CCDC171: variants seen among roughly 807,000 people sequenced by gnomAD.
The protein encoded by CCDC171 is coiled-coil domain containing 171.
CCDC171 carries 177 observed loss-of-function variants against 168.2 expected under a neutral mutation model. The ratio of observed to expected loss-of-function variants is 1.05; its 90% confidence interval spans 0.93 to 1.19. The LOEUF is 1.19. Ranked by LOEUF, CCDC171 falls within the 50% of genes most tolerant of loss-of-function variation. The pLI, the probability that CCDC171 is intolerant of heterozygous loss-of-function variation, is 0.00. For synonymous variants in CCDC171, 687 were observed against 540.8 expected (o/e 1.27, Z -3.75); for missense variants, 1,991 against 1,539.0 (o/e 1.29, Z -4.91).
intron 6 of CCDC171, among the ~76,000 whole-genome samples, chr9:15,623,011 C>G (rs1296739062): frequency 1.3e-5 from 2 of 152,168 alleles, no homozygotes; most frequent in Non-Finnish European, 2.9e-5. Flanking sequence ...ACTAATGTAA[C>G]TTTCTCATAT....
At chr9:15,860,646 A>G (rs1404076786) in intron 23 of CCDC171, among the ~76,000 whole-genome samples, 2 of 152,004 alleles carry the variant, frequency 1.3e-5, no homozygotes, top group African/African-American at 2.4e-5. Context: ...TCTTAAATCT[A>G]TTAAGACTTG....
At chr9:15,936,064 A>T (rs1275563083) in intron 25 of CCDC171, among the ~76,000 whole-genome samples, 1 of 152,088 alleles carries the variant, frequency 6.6e-6, no homozygotes, top group East Asian at 1.9e-4. Context: ...CACATTCTAG[A>T]TTCTCATCAT....
chr9:15,892,266 C>G (rs1205985913), intron 24 of CCDC171, among the ~76,000 whole-genome samples: 1 of 152,130 alleles, frequency 6.6e-6, no homozygotes, highest in Non-Finnish European at 1.5e-5. Context: ...GAGAGGGCAG[C>G]CTTGACTTGT....
intron 23 of CCDC171, among the ~76,000 whole-genome samples, chr9:15,849,737 C>T (rs2061047526): frequency 6.6e-6 from 1 of 151,662 alleles, no homozygotes; most frequent in Non-Finnish European, 1.5e-5. Flanking sequence ...ATGAATGAAT[C>T]ACATTTAGAA....
chr9:15,808,426 G>A (rs2059173086), intron 21 of CCDC171, among the ~76,000 whole-genome samples: 1 of 152,166 alleles, frequency 6.6e-6, no homozygotes, highest in African/African-American at 2.4e-5. Flanking sequence ...GAGGGGCAAG[G>A]GATGATAGAG....
intron 16 of CCDC171, among the ~76,000 whole-genome samples, chr9:15,730,095 T>A (rs2134333655): frequency 6.6e-6 from 1 of 152,096 alleles, no homozygotes; most frequent in South Asian, 2.1e-4. Flanking sequence ...TATTTATTTT[T>A]AAAATAAAAT....
chr9:15,800,831 G>A (rs2058786959), intron 21 of CCDC171, among the ~76,000 whole-genome samples: 1 of 151,636 alleles, frequency 6.6e-6, no homozygotes, highest in Non-Finnish European at 1.5e-5. Flanking sequence ...TTCTGCATAT[G>A]GATGTTCAAT....
At position 15,744,811 on chromosome 9, in the gene CCDC171, G is replaced by C. The variant is rs997357090; in HGVS notation, c.2554+34G>C. On this transcript the variant is annotated intron_variant, in intron 17 of 25. Coordinates refer to ENST00000380701, the MANE Select transcript of CCDC171 (RefSeq NM_173550.4). The stretch of plus-strand genomic sequence containing the variant: ...ATTTCTGCTTTTAAAAATATAAGTT[G>C]CATGTAAGCGAAATACAGTGTGACT... 1.9e-6 allele frequency: 3 copies of C among 1,584,434 alleles called. No homozygotes were observed. In the African/African-American group the frequency reaches 4.1e-5, roughly 22 times the overall value.
intron 10 of CCDC171, among the ~76,000 whole-genome samples, chr9:15,688,702 C>A (rs777499782): frequency 1.3e-5 from 2 of 152,096 alleles, no homozygotes; most frequent in Non-Finnish European, 2.9e-5. Context: ...AAGCTTCCTC[C>A]TCAACCTCAA....
chr9:15,558,923 G>A (rs1348842388), intron 1 of CCDC171, among the ~76,000 whole-genome samples: 1 of 151,972 alleles, frequency 6.6e-6, no homozygotes, highest in Non-Finnish European at 1.5e-5. Context: ...AGAGATTCTG[G>A]TATGTTGTGT....
intron 6 of CCDC171, among the ~76,000 whole-genome samples, chr9:15,605,917 C>T (rs561103346): frequency 4.6e-5 from 7 of 152,284 alleles, no homozygotes; most frequent in African/African-American, 1.7e-4. Flanking sequence ...ATTTTCCTAA[C>T]ATACTGTAGC....
chr9:16,070,248 C>T, the CCDC171 span, among the ~76,000 whole-genome samples: 14 of 152,200 alleles, frequency 9.2e-5, no homozygotes, highest in Admixed American at 3.9e-4. Context: ...CTAACACCCC[C>T]GGCCGGACTG....
In CCDC171 at chr9:15,896,337, A is replaced by C. The variant is rs1820895309; in HGVS notation, c.3600+21674A>C. ...ATCATTTAAAAAAAGTCTGCTGCAA[A>C]AGTGTTCTGCAACTCTGCTGAATAT... On this transcript the variant is annotated intron_variant, in intron 24 of 25. Coordinates refer to ENST00000380701, the MANE Select transcript of CCDC171 (RefSeq NM_173550.4). 3.3e-5 allele frequency among the ~76,000 whole-genome samples: 5 copies of C among 152,072 alleles called. No homozygotes were observed. In the South Asian group the frequency reaches 8.3e-4, roughly 25 times the overall value.
chr9:15,916,984 C>G (rs775909277), intron 24 of CCDC171, among the ~76,000 whole-genome samples: 2 of 151,886 alleles, frequency 1.3e-5, no homozygotes, highest in African/African-American at 2.4e-5. Context: ...TATATAATAT[C>G]ATGCTGTTTT....
intron 6 of CCDC171, among the ~76,000 whole-genome samples, chr9:15,612,079 T>C (rs1036401948): frequency 6.6e-6 from 1 of 152,198 alleles, no homozygotes; most frequent in Admixed American, 6.5e-5. Context: ...TGCCAGACAT[T>C]GAATCTGCCA....
intron 18 of CCDC171, among the ~76,000 whole-genome samples, chr9:15,753,354 G>A (rs2055886943): frequency 6.6e-6 from 1 of 152,104 alleles, no homozygotes; most frequent in Non-Finnish European, 1.5e-5. Flanking sequence ...TAGAATGGAA[G>A]GAACAGACAT....
chr9:16,044,474 C>T (rs879813083), intron 1 of CCDC171, among the ~76,000 whole-genome samples: 18 of 137,938 alleles, frequency 1.3e-4, no homozygotes, highest in Non-Finnish European at 2.4e-4. Flanking sequence ...TGGTGAAAAA[C>T]CACAGGAGAA....
Position 15,751,229 on chromosome 9 carries a change from G to A in CCDC171, c.2671+5598G>A, listed in dbSNP as rs142971861. ...TAGGAATCCAACTTACAAGGGATGT[G>A]AAGGACCTCTTCAAGGAGAACTACA... On this transcript the variant is annotated intron_variant, in intron 18 of 25. Coordinates refer to ENST00000380701, the MANE Select transcript of CCDC171 (RefSeq NM_173550.4). Among the ~76,000 whole-genome samples the A allele has an allele frequency of 7.6e-3, 1,152 of 152,258 alleles. 9 individuals carry two copies. Among genetic ancestry groups the A allele is most frequent in the African/African-American group, 0.026 (1,094 of 41,520 alleles).
At chr9:15,564,501 C>G (rs540243308) in intron 2 of CCDC171, among the ~76,000 whole-genome samples, 12 of 152,332 alleles carry the variant, frequency 7.9e-5, no homozygotes, top group African/African-American at 2.6e-4. Flanking sequence ...ATTGGCCCAG[C>G]TCTAATTCAT....
Sources: allele counts gnomAD v4.1 joint callset (sites outside exome capture counted in the v4.1 genomes callset), GRCh38; gene constraint gnomAD v4.1.1; transcripts MANE v1.5; gene names NCBI Gene and HGNC (gene_info 2026-07-23, HGNC 2026-07-21).